Variants in CSMD3 observed in about 807,000 individuals in gnomAD.
The protein encoded by CSMD3 is CUB and Sushi multiple domains 3.
In CSMD3, 177 loss-of-function variants were observed where a neutral mutation model predicts 435.2. That is an observed-to-expected ratio of 0.41 (90% CI 0.36 to 0.46). The LOEUF (loss-of-function observed/expected upper bound fraction) is 0.46, where lower values mean the gene tolerates loss of function less well. Among genes scored for constraint, CSMD3 ranks in the 20% least tolerant of loss-of-function variants. The probability of loss-of-function intolerance (pLI) is 0.34; values close to 1 mark genes in which losing one functional copy is unlikely to be tolerated. For synonymous variants in CSMD3, 1,656 were observed against 1,520.5 expected (o/e 1.09, Z -2.07); for missense variants, 4,265 against 4,504.6 (o/e 0.95, Z 1.52).
At chr8:112,666,521 A>G (rs978026166) in intron 16 of CSMD3, 106 bp from the exon 17 acceptor site, 1 of 934,160 alleles carries the variant, frequency 1.1e-6, no homozygotes. Flanking sequence ...TATCCTTATT[A>G]AATAGTTAAT....
chr8:112,876,085 T>G (rs2081273677), intron 10 of CSMD3, among the ~76,000 whole-genome samples: 1 of 151,938 alleles, frequency 6.6e-6, no homozygotes. Flanking sequence ...TCGGTGACCT[T>G]CTGATGGGTT....
At chr8:112,376,276 A>G (rs906203942) in intron 38 of CSMD3, among the ~76,000 whole-genome samples, 1 of 152,170 alleles carries the variant, frequency 6.6e-6, no homozygotes, top group Non-Finnish European at 1.5e-5. Flanking sequence ...CACATTTTCT[A>G]TGTCGAGCAT....
chr8:112,262,326 A>G (rs1816496117), intron 61 of CSMD3, among the ~76,000 whole-genome samples: 1 of 152,102 alleles, frequency 6.6e-6, no homozygotes, highest in Non-Finnish European at 1.5e-5. Context: ...TACCTACATC[A>G]ATACCATACT....
intron 30 of CSMD3, among the ~76,000 whole-genome samples, chr8:112,498,769 C>T (rs1821636184): frequency 6.6e-6 from 1 of 151,910 alleles, no homozygotes; most frequent in Non-Finnish European, 1.5e-5. Flanking sequence ...ATGTATAAGC[C>T]TTTCAGCTTG....
At chr8:113,319,212 GACA>G (rs1262232666) in intron 1 of CSMD3, among the ~76,000 whole-genome samples, 1 of 151,938 alleles carries the variant, frequency 6.6e-6, no homozygotes, top group Non-Finnish European at 1.5e-5. Context: ...CCACATCCCT[GACA>G]ACAATTGTTA....
rs765610864 is a variant in CSMD3 at position 112,341,567 on chromosome 8, A to T, written c.6562T>A (p.Ser2188Thr). Residue 2188 changes from serine (S) to threonine (T), a missense_variant, in exon 42 of 71, where the codon TCT becomes ACT. Around this residue, in one of 3 missense-constraint regions of CSMD3, gnomAD observed 3,255 missense variants for 3,380.2 expected, o/e 0.96. Transcript: ENST00000297405. ...IGRLSGPQIP[S>T]SLFSTTHETS... Reference sequence around the variant, plus strand: ...TCATGGGTGGTGCTGAATAAGGAAGATGGTATTTGAGGACCACTAAGCCGG... The same window carrying T: ...TCATGGGTGGTGCTGAATAAGGAAGTTGGTATTTGAGGACCACTAAGCCGG... 1.9e-6 allele frequency: 3 copies of T among 1,613,108 alleles called. No homozygotes were observed. The African/African-American group carries it at 4.0e-5, about 22-fold the overall frequency.
rs1814659950 is a variant in CSMD3 at position 112,245,694 on chromosome 8, C to T, written c.10223-1121G>A. Among the ~76,000 whole-genome samples, 3 of 152,224 alleles carry T rather than the reference C, an allele frequency of 2.0e-5. No individual in the cohort carries two copies. In the South Asian group the frequency reaches 6.2e-4, roughly 31 times the overall value. The stretch of plus-strand genomic sequence containing the variant: ...CTGGGACTACAGGCACCTGCCACCA[C>T]ACCCAGCTAATTTTTTATATTTTTA... On this transcript the variant is annotated intron_variant, in intron 64 of 70. Coordinates refer to ENST00000297405, the MANE Select transcript of CSMD3 (RefSeq NM_198123.2).
chr8:113,374,834 AAAAAAAAAAAAAAC>A (rs921229156), intron 1 of CSMD3, among the ~76,000 whole-genome samples: 17 of 122,912 alleles, frequency 1.4e-4, no homozygotes, highest in Middle Eastern at 8.3e-3. Context: ...AAAAAAAAAA[AAAAAAAAAAAAAAC>A]CAATAAAATG....
chr8:112,358,126 A>G (rs1826816801), intron 38 of CSMD3, among the ~76,000 whole-genome samples: 1 of 152,168 alleles, frequency 6.6e-6, no homozygotes, highest in African/African-American at 2.4e-5. Context: ...AAAGGAGATC[A>G]TTTTGGCACT....
chr8:112,999,824 G>GA lies in CSMD3; in HGVS notation c.1030+19242dup, dbSNP rs370457034. Among the ~76,000 whole-genome samples, 955 of 150,206 alleles carry GA rather than the reference G, an allele frequency of 6.4e-3. 5 individuals carry two copies. Among genetic ancestry groups the GA allele is most frequent in the Non-Finnish European group, 8.2e-3 (552 of 67,422 alleles). On this transcript the variant is annotated intron_variant, in intron 6 of 70. Coordinates refer to ENST00000297405, the MANE Select transcript of CSMD3 (RefSeq NM_198123.2). ...TTAAACATTTGTCCTGAATAAATGA[G>GA]AAAAAAAAAGGTCATTTGCTGATAT...
At chr8:112,918,629 C>T (rs1361690911) in intron 10 of CSMD3, among the ~76,000 whole-genome samples, 1 of 151,846 alleles carries the variant, frequency 6.6e-6, no homozygotes, top group Non-Finnish European at 1.5e-5. Flanking sequence ...GCATATCCAA[C>T]AAGGGAATAA....
At chr8:113,360,809 G>A (rs1451530176) in intron 1 of CSMD3, among the ~76,000 whole-genome samples, 3 of 151,818 alleles carry the variant, frequency 2.0e-5, no homozygotes, top group Non-Finnish European at 4.4e-5. Context: ...TCCTGACCTC[G>A]TGATCCGCCC....
chr8:112,575,497 C>T (rs556275754), intron 23 of CSMD3, among the ~76,000 whole-genome samples: 1 of 152,164 alleles, frequency 6.6e-6, no homozygotes, highest in South Asian at 2.1e-4. Flanking sequence ...AAAAAATGTA[C>T]ATTCACTCTT....
chr8:112,615,463 C>T (rs1833595783), intron 22 of CSMD3, among the ~76,000 whole-genome samples: 1 of 151,728 alleles, frequency 6.6e-6, no homozygotes, highest in Non-Finnish European at 1.5e-5. Context: ...TTTATCTTTC[C>T]AGATAGTTAA....
chr8:112,268,625 T>C (rs1210585398), intron 59 of CSMD3, among the ~76,000 whole-genome samples: 1 of 152,182 alleles, frequency 6.6e-6, no homozygotes, highest in Non-Finnish European at 1.5e-5. Context: ...GCAATATAAT[T>C]TATGCAACCA....
intron 3 of CSMD3, among the ~76,000 whole-genome samples, chr8:113,270,741 C>G (rs868717672): frequency 1.3e-5 from 2 of 151,614 alleles, no homozygotes; most frequent in Non-Finnish European, 2.9e-5. Flanking sequence ...TACCAAACAC[C>G]GCATGTTCTC....
rs773449538 is a variant in CSMD3 at position 112,351,229 on chromosome 8, T to C, written c.6271A>G (p.Thr2091Ala). The C allele has an allele frequency of 2.5e-6, 4 of 1,608,864 alleles. No homozygotes were observed. The highest frequency in any genetic ancestry group is 1.7e-6 in the Non-Finnish European group (2 of 1,175,612). ...GYSLQGHSHI[T>A]CMPGPVRRWN... ...CTTCTTACAGGTCCTGGCATACATG[T>C]AATGTGAGAGTGACCCTACATAAAC... Residue 2091 changes from threonine (T) to alanine (A), a missense_variant, in exon 40 of 71, where the codon ACA (threonine) becomes GCA (alanine). By Grantham distance (58) the Thr-to-Ala change is moderately conservative (BLOSUM62 0). Transcript: ENST00000297405.
At chr8:113,371,919 G>T (rs2094348108) in intron 1 of CSMD3, among the ~76,000 whole-genome samples, 1 of 152,034 alleles carries the variant, frequency 6.6e-6, no homozygotes, top group African/African-American at 2.4e-5. Context: ...TTGCTCATAT[G>T]GGAGTATTTC....
At chr8:112,828,327 A>T (rs1304448514) in intron 12 of CSMD3, among the ~76,000 whole-genome samples, 1 of 152,198 alleles carries the variant, frequency 6.6e-6, no homozygotes, top group Non-Finnish European at 1.5e-5. Context: ...CCCAAATCTC[A>T]CGTCAAATTG....
Sources: allele counts gnomAD v4.1 joint callset (sites outside exome capture counted in the v4.1 genomes callset), GRCh38; gene constraint gnomAD v4.1.1; regional missense constraint gnomAD v4.1.1; transcripts MANE v1.5; gene names NCBI Gene and HGNC (gene_info 2026-07-23, HGNC 2026-07-21).